Variants in TENM3 observed in about 807,000 individuals in gnomAD.
TENM3 encodes teneurin-3.
In TENM3, 63 loss-of-function variants were observed where a neutral mutation model predicts 255.1. The ratio of observed to expected loss-of-function variants is 0.25; its 90% CI spans 0.20 to 0.30. The LOEUF is 0.30. Among genes scored for constraint, TENM3 ranks in the 10% least tolerant of loss-of-function variants. The pLI is 1.00. For missense variants in TENM3, 2,929 were observed against 3,461.1 expected (o/e 0.85, Z 3.86); for synonymous variants, 1,306 against 1,322.3 (o/e 0.99, Z 0.27).
At chr4:182,692,597 T>G (rs551819786) in intron 12 of TENM3, among the ~76,000 whole-genome samples, 37 of 152,302 alleles carry the variant, frequency 2.4e-4, no homozygotes, top group Middle Eastern at 6.8e-3. Context: ...GGAGGCTGAT[T>G]GGCATTTTCC....
chr4:182,519,976 T>A (rs1738397114), intron 3 of TENM3, among the ~76,000 whole-genome samples: 1 of 152,160 alleles, frequency 6.6e-6, no homozygotes, highest in African/African-American at 2.4e-5. Context: ...ATTTTTTTCC[T>A]AAAATTTATT....
chr4:182,509,690 C>G (rs576958203), intron 3 of TENM3, among the ~76,000 whole-genome samples: 1 of 152,274 alleles, frequency 6.6e-6, no homozygotes. Flanking sequence ...GTAATCCCAG[C>G]ACTTTGGGAG....
chr4:181,526,672 G>A, the TENM3 span, among the ~76,000 whole-genome samples: 1 of 152,154 alleles, frequency 6.6e-6, no homozygotes, highest in African/African-American at 2.4e-5. Flanking sequence ...TGATGGTGGT[G>A]ATGGTGGTGG....
At chr4:182,592,014 C>G (rs1157377015) in intron 3 of TENM3, among the ~76,000 whole-genome samples, 1 of 151,930 alleles carries the variant, frequency 6.6e-6, no homozygotes, top group Non-Finnish European at 1.5e-5. Flanking sequence ...ATAATGACTA[C>G]TAAATGTCTG....
At chr4:182,356,695 A>G (rs1006399296) in intron 3 of TENM3, among the ~76,000 whole-genome samples, 1 of 151,756 alleles carries the variant, frequency 6.6e-6, no homozygotes, top group South Asian at 2.1e-4. Flanking sequence ...CTTTTTTTTT[A>G]AATATATTTT....
chr4:182,478,308 A>G (rs529330803), intron 3 of TENM3, among the ~76,000 whole-genome samples: 6 of 152,184 alleles, frequency 3.9e-5, no homozygotes, highest in East Asian at 1.9e-4. Flanking sequence ...TTTATTGACT[A>G]TTTTATTTTT....
chr4:182,701,231 T>C (rs1757842493), intron 12 of TENM3, among the ~76,000 whole-genome samples: 1 of 125,336 alleles, frequency 8.0e-6, no homozygotes, highest in Non-Finnish European at 1.7e-5. Flanking sequence ...TTTTTTTTTT[T>C]TTTTTTTGAG....
the TENM3 span, among the ~76,000 whole-genome samples, chr4:181,545,132 T>C: frequency 2.6e-5 from 4 of 152,236 alleles, no homozygotes; most frequent in Non-Finnish European, 5.9e-5. Context: ...TTGAAGCTAA[T>C]AATTTATGAG....
the TENM3 span, among the ~76,000 whole-genome samples, chr4:181,574,982 C>T: frequency 2.6e-5 from 4 of 151,956 alleles, no homozygotes; most frequent in South Asian, 4.1e-4. Flanking sequence ...ATTTTTGCAT[C>T]GAATGGAATT....
At chr4:181,854,047 T>C in the TENM3 span, among the ~76,000 whole-genome samples, 1 of 152,180 alleles carries the variant, frequency 6.6e-6, no homozygotes, top group African/African-American at 2.4e-5. Context: ...AATAAGGGCT[T>C]TTAAAAATCA....
At chr4:182,056,349 G>A in the TENM3 span, among the ~76,000 whole-genome samples, 2 of 152,236 alleles carry the variant, frequency 1.3e-5, no homozygotes, top group East Asian at 3.9e-4. Context: ...TAAGAAATAC[G>A]TTTTAAGAAG....
At chr4:182,679,344 A>G (rs1755925780) in intron 7 of TENM3, among the ~76,000 whole-genome samples, 1 of 152,230 alleles carries the variant, frequency 6.6e-6, no homozygotes. Context: ...CAGTTCATGT[A>G]GATTTTATGT....
At chr4:182,629,489 T>C (rs141769784) in intron 5 of TENM3, among the ~76,000 whole-genome samples, 16 of 152,284 alleles carry the variant, frequency 1.1e-4, no homozygotes, top group African/African-American at 3.4e-4. Flanking sequence ...TGGAAGCTAC[T>C]AATAGAAGTT....
At chr4:181,792,453 A>G in the TENM3 span, among the ~76,000 whole-genome samples, 1 of 152,246 alleles carries the variant, frequency 6.6e-6, no homozygotes, top group African/African-American at 2.4e-5. Context: ...AAAAGAAGAT[A>G]AAAACGTAAA....
chr4:181,916,056 T>C, the TENM3 span, among the ~76,000 whole-genome samples: 1 of 152,108 alleles, frequency 6.6e-6, no homozygotes, highest in African/African-American at 2.4e-5. Context: ...ATACATCACC[T>C]GGTTTCAACC....
intron 1 of TENM3, among the ~76,000 whole-genome samples, chr4:182,161,639 G>GTA (rs147887811): frequency 0.012 from 1,076 of 87,866 alleles, 47 homozygotes; most frequent in Middle Eastern, 0.028. Context: ...ATATATATAT[G>GTA]TATATATATA....
the TENM3 span, among the ~76,000 whole-genome samples, chr4:181,548,486 A>T: frequency 1.3e-5 from 2 of 152,210 alleles, no homozygotes; most frequent in East Asian, 3.9e-4. Flanking sequence ...CAGCCATAAA[A>T]AAATGATATC....
intron 1 of TENM3, among the ~76,000 whole-genome samples, chr4:182,146,471 A>G (rs906736165): frequency 6.6e-6 from 1 of 152,092 alleles, no homozygotes; most frequent in Admixed American, 6.6e-5. Flanking sequence ...TAGTTATTCT[A>G]TTGTGTATTT....
chr4:182,343,306 G>T (rs927144198), intron 2 of TENM3, among the ~76,000 whole-genome samples: 3 of 152,128 alleles, frequency 2.0e-5, no homozygotes, highest in Non-Finnish European at 4.4e-5. Flanking sequence ...TGTTGGCTCT[G>T]CTGATCAAGG....
Sources: allele counts gnomAD v4.1 joint callset (sites outside exome capture counted in the v4.1 genomes callset), GRCh38; gene constraint gnomAD v4.1.1; transcripts MANE v1.5; gene names NCBI Gene and HGNC (gene_info 2026-07-23, HGNC 2026-07-21).